OR3A2: variants seen among roughly 807,000 people sequenced by gnomAD.
The protein encoded by OR3A2 is olfactory receptor family 3 subfamily A member 2.
For missense variants in OR3A2, 318 were observed against 392.8 expected (o/e 0.81, Z 1.61); for synonymous variants, 126 against 159.3 (o/e 0.79, Z 1.57).
intron 3 of OR3A2, among the ~76,000 whole-genome samples, chr17:3,333,114 T>A (rs1458286804): frequency 6.6e-6 from 1 of 152,162 alleles, no homozygotes; most frequent in African/African-American, 2.4e-5. Flanking sequence ...GCAAGGAATA[T>A]TAAATATTAA....
At chr17:3,330,668 T>G (rs1322253676) in intron 3 of OR3A2, among the ~76,000 whole-genome samples, 2 of 152,196 alleles carry the variant, frequency 1.3e-5, no homozygotes, top group African/African-American at 4.8e-5. Flanking sequence ...CTTTATCCAA[T>G]TTGCCAGTCT....
chr17:3,298,804 G>A (rs1320575285), intron 3 of OR3A2, among the ~76,000 whole-genome samples: 6 of 152,158 alleles, frequency 3.9e-5, no homozygotes, highest in Non-Finnish European at 7.3e-5. Flanking sequence ...GTGCTCCGGA[G>A]AGCAAAGAAG....
chr17:3,384,015 T>TG (rs58107193), intron 1 of OR3A2: 1 of 114,656 alleles, frequency 8.7e-6, no homozygotes. Context: ...GAATAAATAT[T>TG]GTATACAAAT....
intron 3 of OR3A2, among the ~76,000 whole-genome samples, chr17:3,315,765 GT>G (rs1305110425): frequency 3.4e-5 from 1 of 29,248 alleles, no homozygotes; most frequent in African/African-American, 2.3e-4. Context: ...GGGGGGGGCG[GT>G]AGTAAGATGA....
At chr17:3,290,355 G>A (rs916582892) in intron 3 of OR3A2, among the ~76,000 whole-genome samples, 1 of 151,922 alleles carries the variant, frequency 6.6e-6, no homozygotes, top group Non-Finnish European at 1.5e-5. Context: ...TGTGTACCAC[G>A]TTTGGTCCTA....
At chr17:3,361,947 G>T (rs1244908808) in intron 2 of OR3A2, among the ~76,000 whole-genome samples, 1 of 151,656 alleles carries the variant, frequency 6.6e-6, no homozygotes, top group Non-Finnish European at 1.5e-5. Context: ...AGTTAGGGTG[G>T]ATTCCCTCTT....
intron 2 of OR3A2, among the ~76,000 whole-genome samples, chr17:3,369,214 C>A (rs1438161015): frequency 6.6e-6 from 1 of 152,128 alleles, no homozygotes; most frequent in African/African-American, 2.4e-5. Flanking sequence ...TTTACCAATT[C>A]AGATGCCCTT....
intron 3 of OR3A2, among the ~76,000 whole-genome samples, chr17:3,306,107 C>T (rs965008349): frequency 6.6e-6 from 1 of 152,152 alleles, no homozygotes; most frequent in Admixed American, 6.5e-5. Context: ...AACAAGCCAA[C>T]AGTGGCTGAG....
chr17:3,281,245 T>A (rs1222041888), intron 1 of OR3A2, among the ~76,000 whole-genome samples: 1 of 151,620 alleles, frequency 6.6e-6, no homozygotes, highest in Non-Finnish European at 1.5e-5. Flanking sequence ...ATTTTTTTTT[T>A]TTTTTTTGAG....
At chr17:3,284,874 C>G (rs2048798484), upstream of OR3A2, among the ~76,000 whole-genome samples, 1 of 150,776 alleles carries the variant, frequency 6.6e-6, no homozygotes, top group Non-Finnish European at 1.5e-5. Flanking sequence ...CAGAAACAAG[C>G]CAATTCCTGA....
At chr17:3,292,078 G>A in intron 3 of OR3A2, 1 of 1,614,214 alleles carries the variant, frequency 6.2e-7, no homozygotes, top group Non-Finnish European at 8.5e-7. Context: ...CAGAAGTTGA[G>A]CGTGGACATG....
chr17:3,340,018 G>T (rs2049303819), intron 2 of OR3A2, among the ~76,000 whole-genome samples: 1 of 152,180 alleles, frequency 6.6e-6, no homozygotes, highest in South Asian at 2.1e-4. Context: ...TATGTGTCCA[G>T]AAATTTATCC....
In OR3A2 at chr17:3,311,149, T is replaced by C. The variant is rs2049040613; in HGVS notation, c.-85+24884A>G. On this transcript the variant is annotated intron_variant, in intron 3 of 4. Coordinates refer to the OR3A2 transcript ENST00000573491. The surrounding 1 kb of genome is among the most constrained non-coding windows in gnomAD (Gnocchi z 4.6). ...GACAAGGACAAGGGCATTGGCATCC[T>C]CAACACTGTCATCAGCCCCATGCTG... is the stretch of plus-strand genomic sequence containing the variant. 1 of 539,872 alleles carries C rather than the reference T, an allele frequency of 1.9e-6. No individual in the cohort carries two copies. Among genetic ancestry groups the C allele is most frequent in the Non-Finnish European group, 3.8e-6 (1 of 263,494 alleles). The allele number at this position is 539,872 out of a possible 1,614,324, so 33.4% of individuals were successfully genotyped here. A position where few individuals can be genotyped will look rare whatever the true frequency, so the allele number is the denominator to read the frequency against.
intron 2 of OR3A2, among the ~76,000 whole-genome samples, chr17:3,355,957 T>G (rs1407585796): frequency 6.6e-6 from 1 of 151,396 alleles, no homozygotes; most frequent in Non-Finnish European, 1.5e-5. Context: ...GTGATATCAT[T>G]TAATCTCTTG....
chr17:3,331,690 A>G lies in OR3A2; in HGVS notation c.-85+4343T>C, dbSNP rs7215407. 3.3e-5 allele frequency among the ~76,000 whole-genome samples: 5 copies of G among 150,432 alleles called. No homozygotes were observed. The South Asian group carries it at 1.1e-3, about 32-fold the overall frequency. On this transcript the variant is annotated intron_variant, in intron 3 of 4. Coordinates refer to the OR3A2 transcript ENST00000573491. ...CTCCCGTAGCTCAGAGTAATTTGAT[A>G]GTCTGAAGCCTTCTTCTCTCAGCTC...
chr17:3,382,220 G>A (rs142678236), intron 2 of OR3A2, among the ~76,000 whole-genome samples: 7 of 152,130 alleles, frequency 4.6e-5, no homozygotes, highest in East Asian at 1.9e-4. Context: ...CTGAGCCACC[G>A]GCACTCTATC....
rs546420541 is a variant in OR3A2, at chr17:3,325,721, G to A, written c.-85+10312C>T. On this transcript the variant is annotated intron_variant, in intron 3 of 4. Coordinates refer to the OR3A2 transcript ENST00000573491. ...TATCACATCTCAGCCTTTTGGTTAA[G>A]ATCAAGTGTAAAAATTGAGGTAAGA... Among the ~76,000 whole-genome samples the A allele has an allele frequency of 3.9e-5, 6 of 152,118 alleles. No individual in the cohort carries two copies. The South Asian group carries it at 1.2e-3, about 32-fold the overall frequency.
chr17:3,372,858 AG>A (rs1187230262), intron 2 of OR3A2, among the ~76,000 whole-genome samples: 460 of 14,188 alleles, frequency 0.032, no homozygotes, highest in Middle Eastern at 0.1. Context: ...GGAGAGGGAG[AG>A]GGAGAGGGAG....
rs761201540 is a variant in OR3A2, at chr17:3,319,183, T to A, written c.-85+16850A>T. 5.8e-4 allele frequency among the ~76,000 whole-genome samples: 88 copies of A among 152,286 alleles called. 1 individual carries two copies. Among genetic ancestry groups the A allele is most frequent in the Non-Finnish European group, 4.6e-4 (31 of 68,016 alleles). Reference sequence around the variant, plus strand: ...TAGCAAACATTATGATTCTACTGTATGCAAGGACAATCTATATGAATATAC... The same window carrying A: ...TAGCAAACATTATGATTCTACTGTAAGCAAGGACAATCTATATGAATATAC... On this transcript the variant is annotated intron_variant, in intron 3 of 4. Coordinates refer to the OR3A2 transcript ENST00000573491.
Sources: gnomAD v4.1 joint callset for allele counts (sites outside exome capture counted in the v4.1 genomes callset) on GRCh38, gnomAD v4.1.1 for gene constraint, Gnocchi (gnomAD v3.1) non-coding constraint, MANE v1.5 for transcripts, NCBI Gene and HGNC (gene_info 2026-07-23, HGNC 2026-07-21) for gene names.